Variants in IMPDH2 observed in about 807,000 individuals in gnomAD.
IMPDH2 encodes the protein inosine monophosphate dehydrogenase 2.
Under a neutral mutation model 57.8 loss-of-function variants are expected in IMPDH2, and 33 were observed. The observed-to-expected ratio is 0.57, with a 90% CI of 0.43 to 0.76. The LOEUF (loss-of-function observed/expected upper bound fraction) is 0.76. IMPDH2 is among the 30% of genes least tolerant of loss of function. The probability of loss-of-function intolerance (pLI) is 0.00; values close to 1 mark genes in which losing one functional copy is unlikely to be tolerated. For synonymous variants in IMPDH2, 270 were observed against 241.3 expected (o/e 1.12, Z -1.10); for missense variants, 446 against 659.1 (o/e 0.68, Z 3.54).
intron 1 of IMPDH2, 157 bp from the exon 2 acceptor site, chr3:49,028,963 C>G (rs2093212185): frequency 5.7e-6 from 4 of 698,970 alleles, no homozygotes; most frequent in Middle Eastern, 2.4e-4. Flanking sequence ...GAAATGGGTA[C>G]AGGGGACCTT....
At chr3:49,025,874 C>G (rs1306378823) in intron 9 of IMPDH2, 1 of 431,122 alleles carries the variant, frequency 2.3e-6, no homozygotes, top group East Asian at 7.0e-5. Flanking sequence ...AAACCATGGT[C>G]TGTGTATCAG....
At chr3:49,025,944 C>T in intron 9 of IMPDH2, 1 of 463,760 alleles carries the variant, frequency 2.2e-6, no homozygotes, top group Non-Finnish European at 4.3e-6. Context: ...GTCAACCAAG[C>T]AGCCGGGCAG....
In IMPDH2 at chr3:49,027,815, G is replaced by A. The variant is rs901563589; in HGVS notation, c.426C>T (p.Ile142=). Residue 142 remains isoleucine (I), a synonymous_variant, in exon 5 of 14, where the codon ATC becomes ATT. Transcript: ENST00000326739. ...EAKARHGFCG[I]PITDTGRMGS... ...CCATCCGGCCTGTGTCTGTGATTGG[G>A]ATACCGCAGAAACCATGCCGGGCCT... The A allele has an allele frequency of 6.2e-7, 1 of 1,614,160 alleles. No homozygotes were observed. Among genetic ancestry groups the A allele is most frequent in the Non-Finnish European group, 8.5e-7 (1 of 1,180,018 alleles).
At position 49,027,911 on chromosome 3, in the gene IMPDH2, A is replaced by G. The variant is rs766590745; in HGVS notation, c.330T>C (p.Tyr110=). The G allele has an allele frequency of 1.2e-6, 2 of 1,612,496 alleles. No individual in the cohort carries two copies. The highest frequency in any genetic ancestry group is 1.7e-6 in the Non-Finnish European group (2 of 1,178,702). Residue 110 remains tyrosine, a synonymous_variant, in exon 5 of 14, where the codon TAT becomes TAC. Coordinates refer to ENST00000326739, the MANE Select transcript of IMPDH2 (RefSeq NM_000884.3). ...QANEVRKVKK[Y]EQGFITDPVV... ...CAGGGTCTGTGATGAATCCCTGTTC[A>G]TATTTCTGGAAAGGGATGGTGAGAA...
chr3:49,028,483 A>T lies in IMPDH2; in HGVS notation c.197T>A (p.Val66Asp). 1 of 1,614,106 alleles carries T rather than the reference A, an allele frequency of 6.2e-7. No individual in the cohort carries two copies. Among genetic ancestry groups the T allele is most frequent in the Non-Finnish European group, 8.5e-7 (1 of 1,180,020 alleles). ...TGTGACTGTGTCCATGGGAGAGGAA[A>T]CCAGTGGGGTCTTAAGAGTGATTTT... is the stretch of plus-strand genomic sequence containing the variant. ...TKKITLKTPL[V>D]SSPMDTVTEA... The change falls in exon 3 of 14, where the codon GTT (valine) becomes GAT (aspartate). Residue 66 changes from valine (V) to aspartate (D), a missense_variant. Transcript: ENST00000326739.
At position 49,026,218 on chromosome 3, in the gene IMPDH2, T is replaced by G. The variant is rs1344977904; in HGVS notation, c.1006+106A>C. 6 of 851,760 alleles carry G rather than the reference T, an allele frequency of 7.0e-6. No individual in the cohort carries two copies. In the Admixed American group the frequency reaches 1.0e-4, roughly 15 times the overall value. 52.8% of individuals were successfully genotyped at this position (851,760 alleles called of 1,614,324 possible). A position where few individuals can be genotyped will look rare whatever the true frequency, so the allele number is the denominator to read the frequency against. On this transcript the variant is annotated intron_variant, in intron 9 of 13. Coordinates refer to ENST00000326739, the MANE Select transcript of IMPDH2 (RefSeq NM_000884.3). ...CCAAGAGGCCAATTTGGCCCCAGGGTTGCCCCTATTGGAGGGCTCTATTGT... is the reference window on the plus strand; with the variant it reads ...CCAAGAGGCCAATTTGGCCCCAGGGGTGCCCCTATTGGAGGGCTCTATTGT...
intron 4 of IMPDH2, 140 bp from the exon 5 acceptor site, chr3:49,028,056 T>G (rs1167609005): frequency 2.5e-6 from 2 of 799,858 alleles, no homozygotes; most frequent in Admixed American, 4.2e-5. Flanking sequence ...CTTAGAGACA[T>G]GGGTAGGCTG....
chr3:49,028,138 C>A, intron 4 of IMPDH2, 110 bp downstream of exon 4: 4 of 992,092 alleles, frequency 4.0e-6, no homozygotes, highest in South Asian at 2.6e-5. Flanking sequence ...AGTAACTGAA[C>A]CCCATGGTGG....
chr3:49,029,379 C>T lies in IMPDH2; in HGVS notation c.-29G>A. ...CAACACAGGACACCGCCGCGTGTCT[C>T]CGAGGACCGCGCCGCAGAGACCTCT... On this transcript the variant is annotated 5_prime_UTR_variant, in exon 1 of 14. Transcript: ENST00000326739. 6.8e-7 allele frequency: 1 copy of T among 1,468,634 alleles called. No individual in the cohort carries two copies. Among genetic ancestry groups the T allele is most frequent in the Non-Finnish European group, 9.4e-7 (1 of 1,067,742 alleles). 91.0% of individuals were successfully genotyped at this position (1,468,634 alleles called of 1,614,324 possible).
chr3:49,028,840 T>C, intron 1 of IMPDH2, 34 bp from the exon 2 acceptor site: 1 of 1,585,844 alleles, frequency 6.3e-7, no homozygotes, highest in Non-Finnish European at 8.7e-7. Flanking sequence ...GGAGTAAAGC[T>C]CTCAGCTTAG....
rs149047226 is a variant in IMPDH2, at chr3:49,026,693, C to T, written c.813G>A (p.Val271=). Residue 271 remains valine, a synonymous_variant, in exon 7 of 14, where the codon GTG becomes GTA. Coordinates refer to ENST00000326739, the MANE Select transcript of IMPDH2 (RefSeq NM_000884.3). ...DLLAQAGVDV[V]VLDSSQGNSI... is the part of the protein sequence containing the mutation. Reference sequence around the variant, plus strand: ...CACCTGTGTAGCAGCTCACCAAAACCACTACATCCACACCAGCCTGGGCGA... The same window carrying T: ...CACCTGTGTAGCAGCTCACCAAAACTACTACATCCACACCAGCCTGGGCGA... 5.6e-4 allele frequency: 905 copies of T among 1,614,156 alleles called. No individual in the cohort carries two copies. Among genetic ancestry groups the T allele is most frequent in the Non-Finnish European group, 7.1e-4 (843 of 1,180,026 alleles).
In IMPDH2 at chr3:49,025,000, A is replaced by G. The variant is rs1035411628; in HGVS notation, c.1191T>C (p.Pro397=). The G allele has an allele frequency of 6.2e-7, 1 of 1,614,246 alleles. No homozygotes were observed. Among genetic ancestry groups the G allele is most frequent in the Non-Finnish European group, 8.5e-7 (1 of 1,180,042 alleles). Residue 397 remains proline (P), a synonymous_variant, in exon 11 of 14, where the codon CCT becomes CCC. Coordinates refer to ENST00000326739, the MANE Select transcript of IMPDH2 (RefSeq NM_000884.3). ...TCCCATCGGAAAAGAAGTATTCACC[A>G]GGGGCCTCAGTGGTGGCAGCCAGGA... ...GSLLAATTEA[P]GEYFFSDGIR...
intron 5 of IMPDH2, among the ~76,000 whole-genome samples, 193 bp downstream of exon 5, chr3:49,027,510 ATGAATAC>A (rs2093204534): frequency 6.6e-6 from 1 of 152,224 alleles, no homozygotes; most frequent in Admixed American, 6.5e-5. Context: ...AGAACAAAGC[ATGAATAC>A]TAGCAAGCAT....
At chr3:49,026,641 G>A in intron 7 of IMPDH2, 32 bp from the exon 8 acceptor site, 1 of 1,611,240 alleles carries the variant, frequency 6.2e-7, no homozygotes, top group Non-Finnish European at 8.5e-7. Context: ...AGACTGTGAT[G>A]TGGCAGCTGC....
chr3:49,027,941 C>A, intron 4 of IMPDH2, 25 bp from the exon 5 acceptor site: 1 of 1,555,452 alleles, frequency 6.4e-7, no homozygotes, highest in East Asian at 2.3e-5. Flanking sequence ...TGAGAAAGGG[C>A]ATCGCATCTT....
Position 49,024,768 on chromosome 3 carries a change from A to G in IMPDH2, c.1330T>C (p.Ser444Pro). 6.2e-7 allele frequency: 1 copy of G among 1,614,186 alleles called. No homozygotes were observed. Among genetic ancestry groups the G allele is most frequent in the Non-Finnish European group, 8.5e-7 (1 of 1,180,034 alleles). Residue 444 changes from serine to proline, a missense_variant, in exon 12 of 14, where the codon TCT becomes CCT. Transcript: ENST00000326739. ...GACCCTTTGTCCTGCACAGCACCAG[A>G]CACTCCCTGGGCCACTTTGATTTTG... ...ADKIKVAQGV[S>P]GAVQDKGSIH...
intron 5 of IMPDH2, 71 bp downstream of exon 5, chr3:49,027,639 T>C: frequency 7.7e-7 from 1 of 1,293,124 alleles, no homozygotes; most frequent in Non-Finnish European, 1.1e-6. Flanking sequence ...AGAGATGTCT[T>C]AGACAACAGA....
Position 49,028,813 on chromosome 3 carries a change from G to T in IMPDH2, c.99-7C>A, listed in dbSNP as rs757207770. On this transcript the variant is annotated splice_region_variant and splice_polypyrimidine_tract_variant and intron_variant, in intron 1 of 13. Coordinates refer to ENST00000326739, the MANE Select transcript of IMPDH2 (RefSeq NM_000884.3). ...AGGGAGAATGAGAAAGTCACTGCGA[G>T]GGAAGGGAGTGAATTGGGAGTAAAG... 2.5e-6 allele frequency: 4 copies of T among 1,612,554 alleles called. No homozygotes were observed. Among genetic ancestry groups the T allele is most frequent in the Non-Finnish European group, 3.4e-6 (4 of 1,178,580 alleles).
chr3:49,029,262 A>G lies in IMPDH2; in HGVS notation c.89T>C (p.Leu30Pro). 1 of 1,603,650 alleles carries G rather than the reference A, an allele frequency of 6.2e-7. No individual in the cohort carries two copies. The highest frequency in any genetic ancestry group is 8.5e-7 in the Non-Finnish European group (1 of 1,175,132). ...AQQLFNCGDG[L>P]TYNDFLILPG... ...CCCCATAGGCCCGCACTTGTAGGTG[A>G]GGCCGTCTCCGCAGTTGAAGAGCTG... The change falls in exon 1 of 14, where the codon CTC becomes CCC. Residue 30 changes from leucine to proline, a missense_variant. Coordinates refer to ENST00000326739, the MANE Select transcript of IMPDH2 (RefSeq NM_000884.3).
Sources: gnomAD v4.1 joint callset for allele counts (sites outside exome capture counted in the v4.1 genomes callset) on GRCh38, gnomAD v4.1.1 for gene constraint, MANE v1.5 for transcripts, NCBI Gene and HGNC (gene_info 2026-07-23, HGNC 2026-07-21) for gene names.